P2RY12: variants seen among roughly 807,000 people sequenced by gnomAD.
P2RY12 encodes the protein purinergic receptor P2Y12.
P2RY12 carries 3 observed loss-of-function variants against 4.5 expected under a neutral mutation model. The observed-to-expected ratio is 0.67, with a 90% CI of 0.31 to 1.74. P2RY12 has a LOEUF of 1.74. Ranked by LOEUF, P2RY12 falls within the 40% of genes most tolerant of loss-of-function variation. The pLI is 0.09. For missense variants in P2RY12, 356 were observed against 407.8 expected (o/e 0.87, Z 1.09); for synonymous variants, 148 against 154.1 (o/e 0.96, Z 0.29).
At chr3:151,375,474 C>A (rs1756718697) in intron 1 of P2RY12, among the ~76,000 whole-genome samples, 1 of 152,136 alleles carries the variant, frequency 6.6e-6, no homozygotes, top group African/African-American at 2.4e-5. Flanking sequence ...CCCACTCACA[C>A]TGGACCCAGC....
At chr3:151,368,362 G>A (rs1310271292) in intron 1 of P2RY12, 2 of 855,388 alleles carry the variant, frequency 2.3e-6, no homozygotes, top group Non-Finnish European at 3.8e-6. Context: ...TTTTGGGCAT[G>A]CCCTGGGGGT....
intron 1 of P2RY12, chr3:151,367,826 C>G: frequency 1.9e-6 from 3 of 1,548,804 alleles, no homozygotes; most frequent in Non-Finnish European, 2.6e-6. Flanking sequence ...GGAGTGGTTT[C>G]TAACATTACA....
chr3:151,347,695 C>T (rs1328021256), intron 1 of P2RY12, among the ~76,000 whole-genome samples: 1 of 152,008 alleles, frequency 6.6e-6, no homozygotes, highest in Non-Finnish European at 1.5e-5. Flanking sequence ...GGGGGATGTG[C>T]AGAGGAGGAG....
At chr3:151,376,953 A>G in intron 1 of P2RY12, 2 of 1,611,088 alleles carry the variant, frequency 1.2e-6, no homozygotes, top group Non-Finnish European at 1.7e-6. Context: ...GGATAAAGGA[A>G]TACACATATG....
At chr3:151,376,348 T>TG in intron 1 of P2RY12, 1 of 705,396 alleles carries the variant, frequency 1.4e-6, no homozygotes, top group Non-Finnish European at 2.1e-6. Flanking sequence ...ACATTTTCTG[T>TG]GGAATTGACA....
At chr3:151,355,450 A>G (rs1753789447) in intron 1 of P2RY12, among the ~76,000 whole-genome samples, 1 of 152,134 alleles carries the variant, frequency 6.6e-6, no homozygotes, top group Non-Finnish European at 1.5e-5. Flanking sequence ...TTTTGTCCTT[A>G]TGATAATAAT....
intron 1 of P2RY12, among the ~76,000 whole-genome samples, chr3:151,381,997 C>A (rs1039694326): frequency 3.9e-4 from 59 of 151,566 alleles, no homozygotes; most frequent in African/African-American, 1.4e-3. Flanking sequence ...TTGAATTGCA[C>A]TTTTTTTTTG....
At chr3:151,350,365 C>T (rs1201767726) in intron 1 of P2RY12, among the ~76,000 whole-genome samples, 2 of 151,768 alleles carry the variant, frequency 1.3e-5, no homozygotes, top group South Asian at 2.1e-4. Flanking sequence ...AATTTTAAAG[C>T]CTTGTTTCCA....
intron 2 of P2RY12, 33 bp from the exon 3 acceptor site, chr3:151,338,892 G>T (rs756269070): frequency 6.3e-7 from 1 of 1,583,526 alleles, no homozygotes; most frequent in Non-Finnish European, 8.7e-7. Flanking sequence ...GTTATTTTCA[G>T]CCTAAGGTAG....
intron 1 of P2RY12, among the ~76,000 whole-genome samples, chr3:151,373,001 A>G (rs1408768822): frequency 1.3e-5 from 2 of 152,186 alleles, no homozygotes; most frequent in East Asian, 3.8e-4. Context: ...TGTAATTTGT[A>G]TGTGGAGATG....
intron 2 of P2RY12, among the ~76,000 whole-genome samples, chr3:151,339,186 T>A (rs1751454302): frequency 6.6e-6 from 1 of 152,126 alleles, no homozygotes; most frequent in South Asian, 2.1e-4. Flanking sequence ...GGAAGAGAAA[T>A]AATGGGGCTG....
chr3:151,383,673 C>G, intron 1 of P2RY12: 1 of 667,302 alleles, frequency 1.5e-6, no homozygotes, highest in Non-Finnish European at 2.6e-6. Context: ...CTAGAGCATC[C>G]CTTGTTTTTT....
intron 1 of P2RY12, among the ~76,000 whole-genome samples, chr3:151,348,340 CAAAAAAAA>C (rs11382065): frequency 1.1e-5 from 1 of 87,816 alleles, no homozygotes. Flanking sequence ...ACCACCAGAC[CAAAAAAAA>C]AAAAAAAAAA....
At chr3:151,339,350 G>C (rs1751478109) in intron 2 of P2RY12, among the ~76,000 whole-genome samples, 1 of 148,806 alleles carries the variant, frequency 6.7e-6, no homozygotes. Context: ...TTGCCTGTTA[G>C]AATCCTAAAG....
intron 1 of P2RY12, chr3:151,376,674 T>C (rs1756892704): frequency 1.3e-6 from 1 of 764,726 alleles, no homozygotes; most frequent in African/African-American, 1.8e-5. Flanking sequence ...ACCTTTTGAC[T>C]CATATAAATT....
intron 1 of P2RY12, chr3:151,372,858 G>T (rs552631293): frequency 2.2e-6 from 2 of 906,446 alleles, no homozygotes; most frequent in South Asian, 3.8e-5. Context: ...TGCATAGGTG[G>T]GCCTTTTTTT....
chr3:151,348,419 C>G (rs1402768152), intron 1 of P2RY12, among the ~76,000 whole-genome samples: 1 of 150,414 alleles, frequency 6.6e-6, no homozygotes, highest in Non-Finnish European at 1.5e-5. Context: ...GGGAAATTAG[C>G]AAGCAGCTCA....
chr3:151,344,979 A>G (rs567219227), intron 1 of P2RY12, among the ~76,000 whole-genome samples: 9 of 152,338 alleles, frequency 5.9e-5, no homozygotes, highest in African/African-American at 2.2e-4. Flanking sequence ...AGCAGACCTC[A>G]ATTCCTTTAA....
At chr3:151,339,458 C>A (rs992604831) in intron 2 of P2RY12, among the ~76,000 whole-genome samples, 10 of 145,664 alleles carry the variant, frequency 6.9e-5, no homozygotes, top group African/African-American at 2.5e-4. Context: ...GACCTTTTTT[C>A]TTTATATTTG....
Sources: gnomAD v4.1 joint callset for allele counts (sites outside exome capture counted in the v4.1 genomes callset) on GRCh38, gnomAD v4.1.1 for gene constraint, MANE v1.5 for transcripts, NCBI Gene and HGNC (gene_info 2026-07-23, HGNC 2026-07-21) for gene names.